DNAJB6: variants seen among roughly 807,000 people sequenced by gnomAD.
The protein encoded by DNAJB6 is dnaJ homolog subfamily B member 6.
DNAJB6 carries 16 observed loss-of-function variants against 42.7 expected under a neutral mutation model. The ratio of observed to expected loss-of-function variants is 0.37; its 90% CI spans 0.25 to 0.57. DNAJB6 has a LOEUF of 0.57. Ranked by LOEUF, DNAJB6 falls within the 20% of genes least tolerant of loss-of-function variation. DNAJB6 has a pLI of 0.74. For missense variants in DNAJB6, 347 were observed against 416.8 expected (o/e 0.83, Z 1.46); for synonymous variants, 170 against 163.5 (o/e 1.04, Z -0.30).
intron 8 of DNAJB6, among the ~76,000 whole-genome samples, chr7:157,397,147 C>T (rs1297943650): frequency 6.6e-6 from 1 of 152,240 alleles, no homozygotes; most frequent in Non-Finnish European, 1.5e-5. Context: ...CCGTGTGAAG[C>T]CAGCCCCGTG....
At chr7:157,401,965 G>C (rs373653464) in intron 8 of DNAJB6, among the ~76,000 whole-genome samples, 5 of 152,316 alleles carry the variant, frequency 3.3e-5, no homozygotes, top group African/African-American at 9.6e-5. Context: ...GAGCCCACAG[G>C]CTGCTTATCT....
chr7:157,341,042 G>C (rs572518402), intron 1 of DNAJB6, among the ~76,000 whole-genome samples: 1 of 151,144 alleles, frequency 6.6e-6, no homozygotes, highest in Non-Finnish European at 1.5e-5. Context: ...GGCTGGTCTC[G>C]AACTCCTGGC....
chr7:157,405,293 T>TG (rs1795724397), intron 8 of DNAJB6, among the ~76,000 whole-genome samples: 2 of 152,174 alleles, frequency 1.3e-5, no homozygotes, highest in African/African-American at 4.8e-5. Flanking sequence ...GGTGTTGCTG[T>TG]GGGAAGTGTG....
chr7:157,379,607 C>G (rs1478960185), intron 5 of DNAJB6: 1 of 152,184 alleles, frequency 6.6e-6, no homozygotes, highest in Admixed American at 6.6e-5. Context: ...CCTCAGCCTC[C>G]CAAGGAGGTG....
intron 9 of DNAJB6, chr7:157,411,682 G>A (rs1795980617): frequency 6.6e-6 from 1 of 152,238 alleles, no homozygotes; most frequent in African/African-American, 2.4e-5. Context: ...TGGTGTGCAG[G>A]TGCGGGCCGC....
chr7:157,387,096 G>A (rs989413854), intron 8 of DNAJB6, among the ~76,000 whole-genome samples: 1 of 152,178 alleles, frequency 6.6e-6, no homozygotes, highest in Non-Finnish European at 1.5e-5. Context: ...TGTTCCATCC[G>A]TGCTGGCTTT....
chr7:157,341,180 A>G (rs1159486133), intron 1 of DNAJB6, among the ~76,000 whole-genome samples: 1 of 152,102 alleles, frequency 6.6e-6, no homozygotes, highest in East Asian at 1.9e-4. Flanking sequence ...GGCTGGATGC[A>G]GTGGCGCCAT....
intron 5 of DNAJB6, among the ~76,000 whole-genome samples, chr7:157,367,840 CAA>C (rs938237904): frequency 1.9e-4 from 29 of 150,938 alleles, no homozygotes; most frequent in African/African-American, 7.1e-4. Flanking sequence ...GTCTGGGCAA[CAA>C]GAGTGAAACT....
intron 1 of DNAJB6, among the ~76,000 whole-genome samples, chr7:157,353,533 T>A (rs1050677874): frequency 4.6e-5 from 7 of 151,956 alleles, no homozygotes; most frequent in Non-Finnish European, 1.0e-4. Context: ...TTGTATTTAG[T>A]TGTCATTTAC....
chr7:157,400,088 A>G (rs1337681285), intron 8 of DNAJB6, among the ~76,000 whole-genome samples: 24 of 152,364 alleles, frequency 1.6e-4, no homozygotes, highest in African/African-American at 5.5e-4. Context: ...TGTAAAGCCA[A>G]AACATGAAGT....
intron 5 of DNAJB6, chr7:157,378,155 T>A (rs1800565202): frequency 6.6e-6 from 1 of 152,370 alleles, no homozygotes; most frequent in African/African-American, 2.4e-5. Context: ...CTGTAACTGG[T>A]CCTGTGGACA....
At chr7:157,352,314 C>A (rs1799027970) in intron 1 of DNAJB6, among the ~76,000 whole-genome samples, 1 of 151,796 alleles carries the variant, frequency 6.6e-6, no homozygotes, top group Non-Finnish European at 1.5e-5. Flanking sequence ...CAGAGCAAGA[C>A]TCTGTCTCAA....
chr7:157,357,292 T>G lies in DNAJB6; in HGVS notation c.-26-1255T>G, dbSNP rs890702294. 1.7e-3 allele frequency among the ~76,000 whole-genome samples: 97 copies of G among 58,668 alleles called. 28 individuals are homozygous for G. The South Asian group carries it at 0.022, about 13-fold the overall frequency. 38.5% of individuals were successfully genotyped at this position (58,668 alleles called of 152,430 possible). ...CTTCCTTCCGTCCTTCCTTCCGTCC[T>G]TCCTTCCTTCCTTCCTTCCTTCCTT... On this transcript the variant is annotated intron_variant, in intron 1 of 9. Coordinates refer to ENST00000262177, the MANE Select transcript of DNAJB6 (RefSeq NM_058246.4).
intron 9 of DNAJB6, chr7:157,412,546 G>A (rs1441579280): frequency 6.6e-6 from 1 of 152,202 alleles, no homozygotes; most frequent in Non-Finnish European, 1.5e-5. Context: ...CTGCATTTCT[G>A]CGTCACTGAA....
At chr7:157,404,276 A>C (rs935612101) in intron 8 of DNAJB6, among the ~76,000 whole-genome samples, 1 of 148,172 alleles carries the variant, frequency 6.7e-6, no homozygotes, top group African/African-American at 2.5e-5. Context: ...TTTCAGCCCT[A>C]CTGTGCAGTT....
At position 157,366,351 on chromosome 7, in the gene DNAJB6, C is replaced by T. The variant is rs1799843426; in HGVS notation, c.176-151C>T. 4 of 661,818 alleles carry T rather than the reference C, an allele frequency of 6.0e-6. No individual in the cohort carries two copies. The Admixed American group carries it at 9.6e-5, about 16-fold the overall frequency. 41.0% of individuals were successfully genotyped at this position (661,818 alleles called of 1,614,324 possible). A position where few individuals can be genotyped will look rare whatever the true frequency, so the allele number is the denominator to read the frequency against. On this transcript the variant is annotated intron_variant, in intron 3 of 9. Coordinates refer to ENST00000262177, the MANE Select transcript of DNAJB6 (RefSeq NM_058246.4). ...GAGGTACAGAAAGTTTTCCCTGTTGCTTTGTTTTGTTTTAAAGAAAAGGTG... is the reference window on the plus strand; with the variant it reads ...GAGGTACAGAAAGTTTTCCCTGTTGTTTTGTTTTGTTTTAAAGAAAAGGTG...
intron 9 of DNAJB6, chr7:157,415,575 C>G: frequency 5.3e-6 from 1 of 188,842 alleles, no homozygotes; most frequent in Non-Finnish European, 1.1e-5. Context: ...TGAAGGAGAG[C>G]CCAGGGTGGG....
Position 157,396,398 on chromosome 7 carries a change from C to T in DNAJB6, c.691+10787C>T, listed in dbSNP as rs527293946. The stretch of plus-strand genomic sequence containing the variant: ...GGGTTCCGTTTATAAAGAGTTCCTT[C>T]AATAAAAATCACACTTAGACTTTAT... On this transcript the variant is annotated intron_variant, in intron 8 of 9. Transcript: ENST00000262177. Among the ~76,000 whole-genome samples, 62 of 152,326 alleles carry T rather than the reference C, an allele frequency of 4.1e-4. 1 individual carries two copies. In the South Asian group the frequency reaches 0.013, roughly 32 times the overall value.
intron 8 of DNAJB6, among the ~76,000 whole-genome samples, chr7:157,387,320 TC>T (rs1464172919): frequency 2.0e-5 from 3 of 152,194 alleles, no homozygotes; most frequent in African/African-American, 7.2e-5. Flanking sequence ...ACGCGGCACT[TC>T]CTGTCTCTGG....
Sources: gnomAD v4.1 joint callset for allele counts (sites outside exome capture counted in the v4.1 genomes callset) on GRCh38, gnomAD v4.1.1 for gene constraint, MANE v1.5 for transcripts, NCBI Gene and HGNC (gene_info 2026-07-23, HGNC 2026-07-21) for gene names.